Variants in CLVS1 observed in about 807,000 individuals in gnomAD.
CLVS1 encodes the protein clavesin-1.
Under a neutral mutation model 33.1 loss-of-function variants are expected in CLVS1, and 10 were observed. The observed-to-expected ratio is 0.30, with a 90% confidence interval of 0.19 to 0.51. CLVS1 has a LOEUF of 0.51. Among genes scored for constraint, CLVS1 ranks in the 20% least tolerant of loss-of-function variants. The pLI is 0.97. For synonymous variants in CLVS1, 163 were observed against 166.1 expected, an observed-to-expected ratio of 0.98 and a Z score of 0.14; for missense variants, 343 against 433.4, an observed-to-expected ratio of 0.79 and a Z score of 1.85.
intron 3 of CLVS1, among the ~76,000 whole-genome samples, chr8:61,382,821 G>A (rs1813937995): frequency 6.6e-6 from 1 of 152,058 alleles, no homozygotes; most frequent in South Asian, 2.1e-4. Context: ...CCACTGTCTG[G>A]GCTTCAGTCT....
At chr8:61,424,405 A>G (rs1815799789) in intron 3 of CLVS1, among the ~76,000 whole-genome samples, 1 of 152,244 alleles carries the variant, frequency 6.6e-6, no homozygotes, top group African/African-American at 2.4e-5. Context: ...AAGAACCATA[A>G]ACACAAACAC....
At chr8:61,220,642 G>GTTT (rs565187921) in intron 2 of CLVS1, among the ~76,000 whole-genome samples, 11 of 147,492 alleles carry the variant, frequency 7.5e-5, no homozygotes, top group African/African-American at 2.5e-4. Flanking sequence ...GGCTATACAG[G>GTTT]TTTTTTTTTT....
chr8:60,993,494 G>A, the CLVS1 span, among the ~76,000 whole-genome samples: 3 of 152,338 alleles, frequency 2.0e-5, no homozygotes, highest in Admixed American at 2.0e-4. Context: ...TGTGCCTCAG[G>A]CTTCTCATCT....
the CLVS1 span, among the ~76,000 whole-genome samples, chr8:61,043,026 T>C: frequency 6.6e-6 from 1 of 152,100 alleles, no homozygotes; most frequent in Non-Finnish European, 1.5e-5. Context: ...TAGGTCTGAG[T>C]TGATGTTGAT....
intron 2 of CLVS1, among the ~76,000 whole-genome samples, chr8:61,141,245 G>A (rs1806303273): frequency 6.7e-6 from 1 of 148,574 alleles, no homozygotes. Flanking sequence ...TTTCTTTCTT[G>A]TCCTTCTCCC....
At chr8:61,064,379 A>C (rs899347533) in intron 1 of CLVS1, among the ~76,000 whole-genome samples, 2 of 152,112 alleles carry the variant, frequency 1.3e-5, no homozygotes, top group African/African-American at 4.8e-5. Context: ...CTTTGCCTAC[A>C]CATTTTGATT....
At chr8:61,256,390 G>T (rs1161650718) in intron 2 of CLVS1, among the ~76,000 whole-genome samples, 1 of 152,172 alleles carries the variant, frequency 6.6e-6, no homozygotes, top group Non-Finnish European at 1.5e-5. Flanking sequence ...GCAGACACCT[G>T]TAGTCCCAGC....
At chr8:61,091,215 G>A (rs1336981663) in intron 1 of CLVS1, among the ~76,000 whole-genome samples, 3 of 152,180 alleles carry the variant, frequency 2.0e-5, no homozygotes, top group Non-Finnish European at 2.9e-5. Context: ...GAGCGATGTG[G>A]CCAGGAGCCA....
At chr8:61,067,748 C>T (rs1804709143) in intron 1 of CLVS1, among the ~76,000 whole-genome samples, 1 of 151,826 alleles carries the variant, frequency 6.6e-6, no homozygotes, top group East Asian at 1.9e-4. Context: ...TACATGTTCT[C>T]CCTTATAAGT....
intron 5 of CLVS1, among the ~76,000 whole-genome samples, chr8:61,486,259 C>T (rs1803879371): frequency 1.3e-5 from 2 of 151,934 alleles, no homozygotes; most frequent in Non-Finnish European, 2.9e-5. Flanking sequence ...AGTTTTTTTT[C>T]TCATGCCTTG....
chr8:60,978,491 T>G, the CLVS1 span, among the ~76,000 whole-genome samples: 1 of 152,146 alleles, frequency 6.6e-6, no homozygotes, highest in Non-Finnish European at 1.5e-5. Context: ...TTTAAGATGT[T>G]AATTGTAATC....
At chr8:61,418,776 T>A (rs1378360059) in intron 3 of CLVS1, among the ~76,000 whole-genome samples, 1 of 152,176 alleles carries the variant, frequency 6.6e-6, no homozygotes, top group Non-Finnish European at 1.5e-5. Flanking sequence ...CTCCCTAACA[T>A]CAACAAGAGA....
intron 5 of CLVS1, among the ~76,000 whole-genome samples, chr8:61,475,766 A>G (rs547671822): frequency 5.1e-4 from 77 of 152,250 alleles, no homozygotes; most frequent in African/African-American, 1.8e-3. Context: ...CTCTGATGGT[A>G]GTTTCTTTTG....
chr8:61,426,638 C>A (rs116598886), intron 3 of CLVS1, among the ~76,000 whole-genome samples: 3 of 152,176 alleles, frequency 2.0e-5, no homozygotes, highest in Non-Finnish European at 2.9e-5. Flanking sequence ...TTTTGGTCTG[C>A]GGTCCTAGTA....
chr8:61,129,939 A>G (rs1806056317), intron 1 of CLVS1, among the ~76,000 whole-genome samples: 1 of 152,158 alleles, frequency 6.6e-6, no homozygotes, highest in African/African-American at 2.4e-5. Context: ...TGATTGATCA[A>G]TTGATTCAAG....
chr8:61,149,482 G>T (rs756137265), intron 2 of CLVS1, among the ~76,000 whole-genome samples: 1 of 149,158 alleles, frequency 6.7e-6, no homozygotes, highest in Admixed American at 6.8e-5. Flanking sequence ...AACCCGGAAG[G>T]TGGAGGTTTC....
chr8:61,166,277 G>A (rs1411385425), intron 2 of CLVS1, among the ~76,000 whole-genome samples: 2 of 151,880 alleles, frequency 1.3e-5, no homozygotes, highest in African/African-American at 4.8e-5. Flanking sequence ...ACAGGCACCC[G>A]CCATCATGCC....
intron 2 of CLVS1, among the ~76,000 whole-genome samples, chr8:61,324,369 C>T (rs1184107537): frequency 1.3e-5 from 2 of 152,088 alleles, no homozygotes; most frequent in African/African-American, 4.8e-5. Flanking sequence ...CTTGCTGCCA[C>T]CCTGGAAGAA....
intron 5 of CLVS1, among the ~76,000 whole-genome samples, chr8:61,458,909 C>T (rs960680638): frequency 1.3e-5 from 2 of 152,136 alleles, no homozygotes; most frequent in South Asian, 2.1e-4. Flanking sequence ...TTATTTGGAA[C>T]CATTTATTGA....
Sources: gnomAD v4.1 joint callset for allele counts (sites outside exome capture counted in the v4.1 genomes callset) on GRCh38, gnomAD v4.1.1 for gene constraint, MANE v1.5 for transcripts, NCBI Gene and HGNC (gene_info 2026-07-23, HGNC 2026-07-21) for gene names.